The following EEA1 variants were observed in gnomAD, a reference collection of about 807,000 sequenced individuals.
EEA1 encodes early endosome antigen 1.
In EEA1, 111 loss-of-function variants were observed where a neutral mutation model predicts 209.2. The ratio of observed to expected loss-of-function variants is 0.53; its 90% CI spans 0.45 to 0.62. The LOEUF (loss-of-function observed/expected upper bound fraction) is 0.62. Among genes scored for constraint, EEA1 ranks in the 20% least tolerant of loss-of-function variants. The probability of loss-of-function intolerance (pLI) is 0.00; values close to 1 mark genes in which losing one functional copy is unlikely to be tolerated. For missense variants in EEA1, 1,343 were observed against 1,530.8 expected (o/e 0.88, Z 2.05); for synonymous variants, 536 against 540.6 (o/e 0.99, Z 0.12).
At chr12:92,925,237 T>G (rs1881169200) in intron 1 of EEA1, among the ~76,000 whole-genome samples, 1 of 152,172 alleles carries the variant, frequency 6.6e-6, no homozygotes, top group South Asian at 2.1e-4. Context: ...TGTTTTGTTT[T>G]TAACACAGGG....
chr12:92,806,436 A>G (rs368337382), intron 18 of EEA1, among the ~76,000 whole-genome samples: 1 of 152,154 alleles, frequency 6.6e-6, no homozygotes, highest in East Asian at 1.9e-4. Flanking sequence ...TGACTCAAGA[A>G]AAAAAAATCA....
chr12:92,892,739 TA>T (rs1263331565), intron 1 of EEA1, among the ~76,000 whole-genome samples: 9 of 152,110 alleles, frequency 5.9e-5, no homozygotes, highest in African/African-American at 2.2e-4. Flanking sequence ...CATGTCCAGC[TA>T]ATTTTTTTTT....
intron 2 of EEA1, chr12:92,883,677 C>T (rs1001751145): frequency 4.3e-5 from 29 of 675,720 alleles, no homozygotes; most frequent in Non-Finnish European, 6.0e-5. Context: ...CTTACTTTAT[C>T]GTAAGAATAC....
At chr12:92,860,617 C>T (rs1878103478) in intron 3 of EEA1, among the ~76,000 whole-genome samples, 1 of 151,990 alleles carries the variant, frequency 6.6e-6, no homozygotes, top group African/African-American at 2.4e-5. Flanking sequence ...GCCAAGGTGT[C>T]CTACAGAAAA....
chr12:92,779,048 C>G (rs1424656153), intron 25 of EEA1, 67 bp downstream of exon 25: 2 of 1,364,090 alleles, frequency 1.5e-6, no homozygotes, highest in Admixed American at 5.2e-5. Flanking sequence ...ATAAGTAGAA[C>G]AGTCCTCTCA....
intron 14 of EEA1, among the ~76,000 whole-genome samples, chr12:92,818,988 T>C (rs991214191): frequency 6.6e-6 from 1 of 152,192 alleles, no homozygotes; most frequent in Non-Finnish European, 1.5e-5. Flanking sequence ...CATCACAAAA[T>C]GCCATTAGGC....
intron 21 of EEA1, among the ~76,000 whole-genome samples, chr12:92,789,867 T>C (rs1398643982): frequency 6.6e-6 from 1 of 152,144 alleles, no homozygotes; most frequent in African/African-American, 2.4e-5. Flanking sequence ...CACCTCCCAA[T>C]AGGGGCCAAC....
intron 10 of EEA1, among the ~76,000 whole-genome samples, chr12:92,834,600 C>G (rs1431699310): frequency 2.2e-5 from 3 of 138,728 alleles, no homozygotes; most frequent in African/African-American, 7.9e-5. Context: ...GACAGACAGA[C>G]TTAAAAGTAA....
Position 92,772,201 on chromosome 12 carries a change from T to C in EEA1, c.*3810A>G, listed in dbSNP as rs962075115. 1 of 151,906 alleles carries C rather than the reference T, an allele frequency of 6.6e-6. No homozygotes were observed. Among genetic ancestry groups the C allele is most frequent in the Non-Finnish European group, 1.5e-5 (1 of 67,842 alleles). 9.4% of individuals were successfully genotyped at this position (151,906 alleles called of 1,614,324 possible). On this transcript the variant is annotated 3_prime_UTR_variant, in exon 29 of 29. Transcript: ENST00000322349. ...AAATAAATAATGTTTTAAGTATCTT[T>C]AAATGGTCATCTGGGTATTAAATGC...
At chr12:92,908,390 G>A (rs1880458776) in intron 1 of EEA1, among the ~76,000 whole-genome samples, 3 of 152,138 alleles carry the variant, frequency 2.0e-5, no homozygotes, top group Admixed American at 6.5e-5. Context: ...GTACAACAAC[G>A]TGAATACATT....
rs56326442 is a variant in EEA1, at chr12:92,895,508, GAA to G, written c.25-3789_25-3788del. Reference sequence around the variant, plus strand: ...AGCCCACTATTAAGAGCTGCCACTGGAAAAAAAAAAAAAAATCCTTTCAAAAA... The same window carrying G: ...AGCCCACTATTAAGAGCTGCCACTGGAAAAAAAAAAAAATCCTTTCAAAAA... On this transcript the variant is annotated intron_variant, in intron 1 of 28. Coordinates refer to ENST00000322349, the MANE Select transcript of EEA1 (RefSeq NM_003566.4). The G allele has an allele frequency of 5.3e-3, 779 of 145,888 alleles. 1 individual carries two copies. The highest frequency in any genetic ancestry group is 0.045 in the Middle Eastern group (64 of 1,434). The allele number at this position is 145,888 out of a possible 1,614,324, so 9.0% of individuals were successfully genotyped here. A position where few individuals can be genotyped will look rare whatever the true frequency, so the allele number is the denominator to read the frequency against.
intron 13 of EEA1, among the ~76,000 whole-genome samples, chr12:92,820,762 T>C (rs1876012663): frequency 6.6e-6 from 1 of 151,550 alleles, no homozygotes; most frequent in Non-Finnish European, 1.5e-5. Flanking sequence ...AAAGTATATA[T>C]ATATATATAT....
intron 9 of EEA1, among the ~76,000 whole-genome samples, chr12:92,843,603 A>T (rs751518591): frequency 2.2e-4 from 34 of 152,324 alleles, no homozygotes; most frequent in Non-Finnish European, 4.3e-4. Context: ...ACAGAGAAAG[A>T]CGAAGTATTT....
At chr12:92,928,351 T>A (rs1346462371) in intron 1 of EEA1, among the ~76,000 whole-genome samples, 1 of 152,216 alleles carries the variant, frequency 6.6e-6, no homozygotes, top group Non-Finnish European at 1.5e-5. Context: ...TATATACCAC[T>A]TGATCAAGCT....
intron 1 of EEA1, among the ~76,000 whole-genome samples, chr12:92,893,842 T>C (rs1011013451): frequency 6.6e-6 from 1 of 152,200 alleles, no homozygotes; most frequent in African/African-American, 2.4e-5. Context: ...TCCAGTTTAA[T>C]AGCCAGCATT....
chr12:92,897,900 T>G (rs1485892291), intron 1 of EEA1, among the ~76,000 whole-genome samples: 1 of 152,230 alleles, frequency 6.6e-6, no homozygotes, highest in Non-Finnish European at 1.5e-5. Context: ...AATTAAAGTA[T>G]CTATTAGACA....
chr12:92,782,777 C>G (rs1873958892), intron 22 of EEA1, among the ~76,000 whole-genome samples: 1 of 152,150 alleles, frequency 6.6e-6, no homozygotes, highest in Non-Finnish European at 1.5e-5. Flanking sequence ...CCACTGGTCC[C>G]TAGGCAGGCC....
chr12:92,885,527 T>C (rs773443587), intron 2 of EEA1, among the ~76,000 whole-genome samples: 10 of 152,218 alleles, frequency 6.6e-5, no homozygotes, highest in African/African-American at 2.4e-4. Flanking sequence ...TAACCACTAA[T>C]AGCCCTCAAT....
At chr12:92,835,406 T>G in intron 10 of EEA1, 1 of 242,978 alleles carries the variant, frequency 4.1e-6, no homozygotes, top group Admixed American at 5.2e-5. Context: ...ACTCCTTTTT[T>G]TTTTTTTTTT....
Sources: gnomAD v4.1 joint callset for allele counts (sites outside exome capture counted in the v4.1 genomes callset) on GRCh38, gnomAD v4.1.1 for gene constraint, MANE v1.5 for transcripts, NCBI Gene and HGNC (gene_info 2026-07-23, HGNC 2026-07-21) for gene names.